The following MID1 variants were observed in gnomAD, a reference collection of about 807,000 sequenced individuals.
The protein encoded by MID1 is E3 ubiquitin-protein ligase Midline-1.
In MID1, 7 loss-of-function variants were observed where a neutral mutation model predicts 40.4. That is an observed-to-expected ratio of 0.17 (90% confidence interval 0.10 to 0.33). The LOEUF is 0.33. Ranked by LOEUF, MID1 falls within the 10% of genes least tolerant of loss-of-function variation. The pLI is 1.00. For synonymous variants in MID1, 229 were observed against 221.2 expected (o/e 1.04, Z -0.31); for missense variants, 367 against 558.5 (o/e 0.66, Z 3.46).
intron 1 of MID1, among the ~76,000 whole-genome samples, chrX:10,757,132 C>T (rs925682122): frequency 5.4e-5 from 6 of 111,725 alleles, no homozygotes; most frequent in African/African-American, 2.0e-4. Flanking sequence ...TTGACCCCGT[C>T]AGAATTCCTG....
At chrX:10,487,437 C>T (rs1292759874) in intron 4 of MID1, among the ~76,000 whole-genome samples, 6 of 111,844 alleles carry the variant, frequency 5.4e-5, no homozygotes, top group Non-Finnish European at 1.1e-4. Context: ...AAGACTTTTT[C>T]ATTATATAAT....
chrX:10,588,996 T>G (rs982569151), intron 1 of MID1, among the ~76,000 whole-genome samples: 1 of 111,573 alleles, frequency 9.0e-6, no homozygotes, highest in Non-Finnish European at 1.9e-5. Context: ...TAGTTCCTAG[T>G]AGGGTGGGCT....
chrX:10,754,603 C>A (rs192153007), intron 1 of MID1, among the ~76,000 whole-genome samples: 15 of 110,989 alleles, frequency 1.4e-4, no homozygotes, highest in Non-Finnish European at 2.6e-4. Context: ...AGACTGAGAT[C>A]AATTAAGCCT....
chrX:10,746,093 T>C (rs1306616631), intron 1 of MID1, among the ~76,000 whole-genome samples: 2 of 111,798 alleles, frequency 1.8e-5, no homozygotes, highest in East Asian at 2.8e-4. Flanking sequence ...GGGTTTTGAC[T>C]GTTCACTGGG....
chrX:10,596,989 C>T lies in MID1; in HGVS notation c.-57+23301G>A, dbSNP rs190708955. On this transcript the variant is annotated intron_variant, in intron 1 of 9. Transcript: ENST00000317552. ...ATGTGAAATATTTCTCCTTTTGCTA[C>T]ATGTGAATGATTGAATTTATACTGC... is the stretch of plus-strand genomic sequence containing the variant. Among the ~76,000 whole-genome samples the T allele has an allele frequency of 9.9e-5, 11 of 110,779 alleles. No individual in the cohort carries two copies. The East Asian group carries it at 3.1e-3, about 31-fold the overall frequency.
chrX:10,562,659 T>C (rs1450788062), intron 2 of MID1, among the ~76,000 whole-genome samples: 4 of 105,909 alleles, frequency 3.8e-5, no homozygotes, highest in Non-Finnish European at 7.6e-5. Context: ...AAAAACCCCT[T>C]CAAGATAAGA....
At chrX:10,474,564 G>A (rs1271153503) in intron 6 of MID1, 59 bp downstream of exon 6, 1 of 1,136,648 alleles carries the variant, frequency 8.8e-7, no homozygotes, top group African/African-American at 1.8e-5. Context: ...CTGATCTGGT[G>A]GCAAAGTGTT....
chrX:10,616,996 A>T lies in MID1; in HGVS notation c.-57+3294T>A, dbSNP rs768869042. On this transcript the variant is annotated intron_variant, in intron 1 of 9. Transcript: ENST00000317552. ...AACAGAACTGCCTTTTGAACTGTTA[A>T]GAGTCTGGACTTTCAAATGAAGGAA... Among the ~76,000 whole-genome samples, 4 of 112,807 alleles carry T rather than the reference A, an allele frequency of 3.5e-5. No homozygotes were observed. In the South Asian group the frequency reaches 1.5e-3, roughly 41 times the overall value.
intron 1 of MID1, among the ~76,000 whole-genome samples, chrX:10,606,714 T>G (rs907484571): frequency 5.4e-5 from 6 of 110,966 alleles, no homozygotes; most frequent in African/African-American, 2.0e-4. Context: ...GCTTTTCAAT[T>G]ATGTGTGTTC....
At chrX:10,811,170 C>A (rs2044097672) in intron 1 of MID1, among the ~76,000 whole-genome samples, 1 of 111,900 alleles carries the variant, frequency 8.9e-6, no homozygotes, top group Admixed American at 9.5e-5. Flanking sequence ...GTTCTTCCAG[C>A]ATCTGAGATG....
chrX:10,540,632 C>A (rs920486052), intron 2 of MID1, among the ~76,000 whole-genome samples: 2 of 111,063 alleles, frequency 1.8e-5, no homozygotes, highest in African/African-American at 6.6e-5. Flanking sequence ...AGGATCTCAT[C>A]CAAATAGTCA....
At chrX:10,559,692 C>A (rs768723613) in intron 2 of MID1, among the ~76,000 whole-genome samples, 1 of 111,203 alleles carries the variant, frequency 9.0e-6, no homozygotes, top group African/African-American at 3.3e-5. Flanking sequence ...GGGGTCAGTA[C>A]CTTTGCTTTG....
rs756674377 is a variant in MID1, at chrX:10,617,915, C to T, written c.-57+2375G>A. Among the ~76,000 whole-genome samples, 7 of 112,561 alleles carry T rather than the reference C, an allele frequency of 6.2e-5. No individual in the cohort carries two copies. The South Asian group carries it at 1.9e-3, about 30-fold the overall frequency. On this transcript the variant is annotated intron_variant, in intron 1 of 9. Transcript: ENST00000317552. Reference sequence around the variant, plus strand: ...GAATCAGATTTACACTTTTCTTTGGCCTAACTCAGCCGTGGCCTTAGGAAC... The same window carrying T: ...GAATCAGATTTACACTTTTCTTTGGTCTAACTCAGCCGTGGCCTTAGGAAC...
In MID1 at chrX:10,449,734, C is replaced by G. The variant is rs1445234711; in HGVS notation, c.1656-18G>C. 1.8e-6 allele frequency: 2 copies of G among 1,136,480 alleles called. No individual in the cohort carries two copies. The highest frequency in any genetic ancestry group is 4.4e-5 in the Admixed American group (2 of 45,649). The allele number at this position is 1,136,480 out of a possible 1,213,427, so 93.7% of individuals were successfully genotyped here. ...TGGCATACCTGCGGAAACAAAACAGCAACAACAAAAACAATGAGCCATGTT... is the reference window on the plus strand; with the variant it reads ...TGGCATACCTGCGGAAACAAAACAGGAACAACAAAAACAATGAGCCATGTT... On this transcript the variant is annotated intron_variant, in intron 9 of 9. Transcript: ENST00000317552.
In MID1 at chrX:10,750,908, A is replaced by T. The variant is rs1477082564; in HGVS notation, c.-187+82646T>A. ...ACGATTTAGAATGTGGGGTGGGCAG[A>T]GGGTTGTGTCCTCAGTATCACAATA... On this transcript the variant is annotated intron_variant, in intron 1 of 10. Transcript: ENST00000380785. Among the ~76,000 whole-genome samples the T allele has an allele frequency of 2.7e-5, 3 of 111,391 alleles. No homozygotes were observed. The Admixed American group carries it at 2.9e-4, about 11-fold the overall frequency.
chrX:10,598,506 A>C (rs1195939561), intron 1 of MID1, among the ~76,000 whole-genome samples: 1 of 112,171 alleles, frequency 8.9e-6, no homozygotes, highest in Non-Finnish European at 1.9e-5. Context: ...AGAAAGGGAG[A>C]TGATGCAGGT....
intron 1 of MID1, among the ~76,000 whole-genome samples, chrX:10,631,919 A>G (rs1400357426): frequency 8.9e-6 from 1 of 111,807 alleles, no homozygotes; most frequent in East Asian, 2.8e-4. Flanking sequence ...GCAATTGTTC[A>G]GACACACTTC....
intron 1 of MID1, among the ~76,000 whole-genome samples, chrX:10,819,229 G>A (rs1481996393): frequency 9.0e-6 from 1 of 111,117 alleles, no homozygotes; most frequent in Non-Finnish European, 1.9e-5. Context: ...CAGTGAGAGA[G>A]AGAGAGAGAG....
At chrX:10,704,729 T>TACACACACAC (rs1280810951) in intron 1 of MID1, among the ~76,000 whole-genome samples, 12 of 83,430 alleles carry the variant, frequency 1.4e-4, no homozygotes, top group African/African-American at 6.6e-4. Flanking sequence ...TATATATATA[T>TACACACACAC]ATATATATAT....
Sources: gnomAD v4.1 joint callset for allele counts (sites outside exome capture counted in the v4.1 genomes callset) on GRCh38, gnomAD v4.1.1 for gene constraint, MANE v1.5 for transcripts, NCBI Gene and HGNC (gene_info 2026-07-23, HGNC 2026-07-21) for gene names.